ERCC6L2: variants seen among roughly 807,000 people sequenced by gnomAD.
ERCC6L2 encodes ERCC excision repair 6 like 2.
Under a neutral mutation model 132.0 loss-of-function variants are expected in ERCC6L2, and 77 were observed. The observed-to-expected ratio is 0.58, with a 90% CI of 0.49 to 0.71. The LOEUF is 0.71. Ranked by LOEUF, ERCC6L2 falls within the 30% of genes least tolerant of loss-of-function variation. The pLI is 0.00. For synonymous variants in ERCC6L2, 583 were observed against 632.4 expected (o/e 0.92, Z 1.17); for missense variants, 1,542 against 1,837.6 (o/e 0.84, Z 2.94).
chr9:95,970,025 C>A (rs941258478), intron 14 of ERCC6L2, among the ~76,000 whole-genome samples: 1 of 152,112 alleles, frequency 6.6e-6, no homozygotes, highest in African/African-American at 2.4e-5. Flanking sequence ...CAAAAGATAG[C>A]AAGCCTGTTA....
chr9:95,940,676 C>T (rs1830756585), intron 11 of ERCC6L2, among the ~76,000 whole-genome samples: 1 of 151,436 alleles, frequency 6.6e-6, no homozygotes, highest in Admixed American at 6.6e-5. Flanking sequence ...TTTTATGGCC[C>T]ATGATTTGGT....
intron 19 of ERCC6L2, among the ~76,000 whole-genome samples, chr9:96,029,100 C>T (rs549040569): frequency 4.9e-4 from 74 of 151,864 alleles, no homozygotes; most frequent in Admixed American, 1.6e-3. Flanking sequence ...GTCAGGAGAT[C>T]GAGACCATCC....
At chr9:95,982,228 A>G (rs1400490573) in intron 17 of ERCC6L2, among the ~76,000 whole-genome samples, 2 of 152,020 alleles carry the variant, frequency 1.3e-5, no homozygotes, top group East Asian at 1.9e-4. Context: ...AGCGTGGGGG[A>G]GTGTCTTTTA....
chr9:95,972,862 T>C lies in ERCC6L2; in HGVS notation c.3111T>C (p.Phe1037=). Residue 1037 remains phenylalanine, a synonymous_variant, in exon 16 of 19, where the codon TTT becomes TTC. Coordinates refer to ENST00000653738, the MANE Select transcript of ERCC6L2 (RefSeq NM_020207.7). ...CAAATGAGGATCATAACTCTCAGTT[T>C]ATTGATGATTATTCATCCTCAGATG... ...YAANEDHNSQ[F]IDDYSSSDES... 1 of 1,305,224 alleles carries C rather than the reference T, an allele frequency of 7.7e-7. No homozygotes were observed. Among genetic ancestry groups the C allele is most frequent in the Non-Finnish European group, 1.0e-6 (1 of 988,874 alleles). The allele number at this position is 1,305,224 out of a possible 1,614,324, so 80.9% of individuals were successfully genotyped here. A position where few individuals can be genotyped will look rare whatever the true frequency, so the allele number is the denominator to read the frequency against.
chr9:95,904,086 T>G (rs1028044221), intron 3 of ERCC6L2, among the ~76,000 whole-genome samples: 1 of 151,812 alleles, frequency 6.6e-6, no homozygotes, highest in Admixed American at 6.6e-5. Context: ...ATACACACAG[T>G]AGGGTGTAAA....
chr9:96,015,031 T>TTG lies in ERCC6L2; in HGVS notation c.*1829_*1830insGT, dbSNP rs1834155668. Among the ~76,000 whole-genome samples the TTG allele has an allele frequency of 2.2e-5, 3 of 134,596 alleles. No individual in the cohort carries two copies. The highest frequency in any genetic ancestry group is 7.5e-5 in the Admixed American group (1 of 13,306). 88.3% of individuals were successfully genotyped at this position (134,596 alleles called of 152,430 possible). A position where few individuals can be genotyped will look rare whatever the true frequency, so the allele number is the denominator to read the frequency against. Reference sequence around the variant, plus strand: ...ATATGTACAGTTTTTTTTTTTTTTTTTTTTTTTTTGAGATTGAGTCTCACT... The same window carrying TTG: ...ATATGTACAGTTTTTTTTTTTTTTTTTGTTTTTTTTTGAGATTGAGTCTCACT... On this transcript the variant is annotated 3_prime_UTR_variant, in exon 19 of 19. Coordinates refer to ENST00000653738, the MANE Select transcript of ERCC6L2 (RefSeq NM_020207.7).
At chr9:95,983,268 T>C (rs2133128450) in intron 17 of ERCC6L2, among the ~76,000 whole-genome samples, 1 of 152,320 alleles carries the variant, frequency 6.6e-6, no homozygotes, top group Non-Finnish European at 1.5e-5. Flanking sequence ...AAAAATGTTT[T>C]TGAAAGGAAT....
intron 19 of ERCC6L2, among the ~76,000 whole-genome samples, chr9:96,035,463 A>C (rs1458155325): frequency 6.6e-6 from 1 of 152,142 alleles, no homozygotes; most frequent in Non-Finnish European, 1.5e-5. Flanking sequence ...AGAGGTTAGA[A>C]TGGTCAGCCA....
chr9:95,903,886 C>G (rs1292661257), intron 3 of ERCC6L2, among the ~76,000 whole-genome samples: 1 of 152,020 alleles, frequency 6.6e-6, no homozygotes, highest in Non-Finnish European at 1.5e-5. Flanking sequence ...TTTATCTCTA[C>G]AATCTTAACT....
chr9:95,935,041 G>C (rs2132837866), intron 11 of ERCC6L2, among the ~76,000 whole-genome samples: 1 of 152,164 alleles, frequency 6.6e-6, no homozygotes, highest in South Asian at 2.1e-4. Context: ...ACACCTTTTT[G>C]TTCAACTACT....
chr9:95,951,763 A>G (rs1831342340), intron 12 of ERCC6L2, among the ~76,000 whole-genome samples: 1 of 152,124 alleles, frequency 6.6e-6, no homozygotes, highest in African/African-American at 2.4e-5. Context: ...TAGAAACCTG[A>G]ATATAACTAT....
chr9:95,904,385 A>G (rs916544661), intron 3 of ERCC6L2, among the ~76,000 whole-genome samples: 3 of 152,092 alleles, frequency 2.0e-5, no homozygotes, highest in African/African-American at 7.2e-5. Flanking sequence ...TCTATTTTCT[A>G]GGTACTATAT....
intron 17 of ERCC6L2, among the ~76,000 whole-genome samples, chr9:96,000,008 C>T (rs1007653454): frequency 6.6e-6 from 1 of 151,764 alleles, no homozygotes; most frequent in Non-Finnish European, 1.5e-5. Flanking sequence ...CTTGTCTCAG[C>T]CTCCCGAGTA....
chr9:95,928,603 A>G, intron 10 of ERCC6L2, 116 bp from the exon 11 acceptor site: 1 of 931,158 alleles, frequency 1.1e-6, no homozygotes, highest in Non-Finnish European at 1.5e-6. Flanking sequence ...TCTTGGAATT[A>G]TAAGAAAGAA....
At chr9:95,961,851 C>A (rs1187013612) in intron 13 of ERCC6L2, among the ~76,000 whole-genome samples, 2 of 152,108 alleles carry the variant, frequency 1.3e-5, no homozygotes, top group Non-Finnish European at 2.9e-5. Flanking sequence ...AAAGGCACAT[C>A]TTGCATGGAG....
At chr9:95,949,836 C>T (rs549727194) in intron 12 of ERCC6L2, among the ~76,000 whole-genome samples, 3 of 152,062 alleles carry the variant, frequency 2.0e-5, no homozygotes, top group East Asian at 1.9e-4. Flanking sequence ...GGTGAAACCC[C>T]GTCTCTACTA....
chr9:96,016,705 T>G lies in ERCC6L2; in HGVS notation c.*3502T>G. On this transcript the variant is annotated 3_prime_UTR_variant, in exon 19 of 19. Transcript: ENST00000653738. ...TAATTAAAGTTCAATGTGTACGCTT[T>G]TAAATTCTGAAGTTATCCTTCTTTT... 6.6e-6 allele frequency among the ~76,000 whole-genome samples: 1 copy of G among 152,362 alleles called. No homozygotes were observed. Among genetic ancestry groups the G allele is most frequent in the Middle Eastern group, 3.4e-3 (1 of 294 alleles).
chr9:95,922,255 G>T, intron 7 of ERCC6L2, 50 bp from the exon 8 acceptor site: 1 of 886,738 alleles, frequency 1.1e-6, no homozygotes, highest in South Asian at 1.4e-5. Flanking sequence ...ATGTAAGCAG[G>T]TGCATAGCTA....
chr9:95,979,955 G>A (rs563369059), intron 17 of ERCC6L2, among the ~76,000 whole-genome samples: 1 of 152,160 alleles, frequency 6.6e-6, no homozygotes, highest in Admixed American at 6.5e-5. Flanking sequence ...TAATGTGAAA[G>A]GTCAGATAAT....
Sources: allele counts gnomAD v4.1 joint callset (sites outside exome capture counted in the v4.1 genomes callset), GRCh38; gene constraint gnomAD v4.1.1; transcripts MANE v1.5; gene names NCBI Gene and HGNC (gene_info 2026-07-23, HGNC 2026-07-21).